Variants in LRRC4C observed in about 807,000 individuals in gnomAD.
LRRC4C encodes leucine-rich repeat-containing protein 4C.
LRRC4C carries 5 observed loss-of-function variants against 33.6 expected under a neutral mutation model. That is an observed-to-expected ratio of 0.15 (90% CI 0.08 to 0.31). The LOEUF is 0.31. LRRC4C is among the 10% of genes least tolerant of loss of function. The probability of loss-of-function intolerance (pLI) is 1.00; values close to 1 mark genes in which losing one functional copy is unlikely to be tolerated. For missense variants in LRRC4C, 560 were observed against 796.7 expected (o/e 0.70, Z 3.58); for synonymous variants, 329 against 302.0 (o/e 1.09, Z -0.93).
chr11:40,694,768 G>A (rs1945405774), intron 2 of LRRC4C, among the ~76,000 whole-genome samples: 1 of 152,066 alleles, frequency 6.6e-6, no homozygotes, highest in East Asian at 1.9e-4. Context: ...CAGAAAAATT[G>A]TCTCATAAGC....
intron 1 of LRRC4C, among the ~76,000 whole-genome samples, chr11:40,952,193 T>A (rs150432753): frequency 6.6e-6 from 1 of 151,902 alleles, no homozygotes; most frequent in Non-Finnish European, 1.5e-5. Context: ...AATTTGCATA[T>A]ACATGACAGT....
chr11:41,012,807 G>C (rs769272520), intron 1 of LRRC4C, among the ~76,000 whole-genome samples: 1 of 151,948 alleles, frequency 6.6e-6, no homozygotes, highest in Non-Finnish European at 1.5e-5. Context: ...ATATCTCTTT[G>C]TGGTTTGAAT....
chr11:41,362,963 G>A (rs909915753), intron 1 of LRRC4C, among the ~76,000 whole-genome samples: 4 of 152,010 alleles, frequency 2.6e-5, no homozygotes, highest in African/African-American at 9.7e-5. Context: ...CTTTTACCAT[G>A]TAAGGTAACA....
At chr11:40,867,176 G>A (rs7948597) in intron 2 of LRRC4C, among the ~76,000 whole-genome samples, 18,591 of 152,062 alleles carry the variant, frequency 0.12, 1,228 homozygotes, top group African/African-American at 0.14. Context: ...GCATTGCCTC[G>A]TTCACCAACA....
chr11:40,482,627 G>C (rs1256400261), intron 3 of LRRC4C, among the ~76,000 whole-genome samples: 1 of 151,900 alleles, frequency 6.6e-6, no homozygotes, highest in Non-Finnish European at 1.5e-5. Context: ...GCATCCCCAT[G>C]CCCAGCTAAT....
chr11:40,528,353 T>C (rs1251156616), intron 3 of LRRC4C, among the ~76,000 whole-genome samples: 8 of 152,106 alleles, frequency 5.3e-5, no homozygotes, highest in Admixed American at 5.2e-4. Context: ...AATAGCCTGA[T>C]TTAAGAATGA....
At chr11:40,177,059 T>A (rs142774855) in intron 5 of LRRC4C, among the ~76,000 whole-genome samples, 190 of 148,278 alleles carry the variant, frequency 1.3e-3, no homozygotes, top group Non-Finnish European at 1.3e-3. Flanking sequence ...CCCAACACCA[T>A]TCTCCTGCCT....
rs529058297 is a variant in LRRC4C, at chr11:41,011,728, T to G, written c.-495-78005A>C. ...ACTAAGCCCGGGTTTCTATCTAGAC[T>G]CCATCATTTACAAGCTATGTAGCCT... On this transcript the variant is annotated intron_variant, in intron 1 of 6. Transcript: ENST00000528697. 1.2e-4 allele frequency among the ~76,000 whole-genome samples: 18 copies of G among 151,286 alleles called. 1 individual carries two copies. The South Asian group carries it at 3.5e-3, about 30-fold the overall frequency.
At chr11:40,808,262 T>C (rs1591775037) in intron 2 of LRRC4C, among the ~76,000 whole-genome samples, 1 of 152,094 alleles carries the variant, frequency 6.6e-6, no homozygotes, top group East Asian at 1.9e-4. Context: ...AAAATTATAC[T>C]TTCTATCTTG....
At chr11:40,296,003 T>G (rs1465329581) in intron 4 of LRRC4C, among the ~76,000 whole-genome samples, 1 of 152,238 alleles carries the variant, frequency 6.6e-6, no homozygotes, top group Non-Finnish European at 1.5e-5. Flanking sequence ...AGAAGCCATT[T>G]GAAATGAAAA....
intron 1 of LRRC4C, among the ~76,000 whole-genome samples, chr11:41,167,715 A>G (rs1348430868): frequency 1.3e-5 from 2 of 152,216 alleles, no homozygotes; most frequent in South Asian, 2.1e-4. Flanking sequence ...GAAGCTTCCC[A>G]GTACCTGTCC....
intron 1 of LRRC4C, among the ~76,000 whole-genome samples, chr11:41,304,145 G>T (rs1352151724): frequency 1.1e-5 from 1 of 92,364 alleles, no homozygotes; most frequent in African/African-American, 3.0e-5. Flanking sequence ...CCTCAGCCCG[G>T]CCAGCCGCCC....
chr11:41,197,453 T>A (rs570914800), intron 1 of LRRC4C, among the ~76,000 whole-genome samples: 1 of 152,130 alleles, frequency 6.6e-6, no homozygotes, highest in Non-Finnish European at 1.5e-5. Context: ...TTGCTTGTCC[T>A]ACACATCACT....
chr11:40,210,279 A>G (rs534817295), intron 5 of LRRC4C, among the ~76,000 whole-genome samples: 2 of 151,260 alleles, frequency 1.3e-5, no homozygotes, highest in East Asian at 1.9e-4. Context: ...ACAAAAACCA[A>G]AAAACACCTG....
At chr11:40,685,809 G>A (rs1395844854) in intron 2 of LRRC4C, among the ~76,000 whole-genome samples, 1 of 151,956 alleles carries the variant, frequency 6.6e-6, no homozygotes, top group African/African-American at 2.4e-5. Flanking sequence ...ACACATATAT[G>A]TGTATACAAA....
intron 1 of LRRC4C, among the ~76,000 whole-genome samples, chr11:41,253,496 G>C (rs763886170): frequency 6.6e-6 from 1 of 152,046 alleles, no homozygotes; most frequent in Admixed American, 6.6e-5. Context: ...GGAGCTTTTA[G>C]TCTAAGCTGC....
chr11:40,459,655 T>C (rs1442020601), intron 3 of LRRC4C, among the ~76,000 whole-genome samples: 6 of 152,236 alleles, frequency 3.9e-5, no homozygotes, highest in Non-Finnish European at 5.9e-5. Flanking sequence ...CCGGAGCAGA[T>C]ACATTAGAGA....
chr11:41,218,069 G>T (rs953731777), intron 1 of LRRC4C, among the ~76,000 whole-genome samples: 1 of 151,694 alleles, frequency 6.6e-6, no homozygotes, highest in Non-Finnish European at 1.5e-5. Context: ...TACACATACG[G>T]CATGTGGTAT....
intron 5 of LRRC4C, among the ~76,000 whole-genome samples, chr11:40,179,176 T>G (rs547026511): frequency 1.3e-5 from 2 of 151,976 alleles, no homozygotes; most frequent in Non-Finnish European, 2.9e-5. Flanking sequence ...GGATTTTTTT[T>G]AAAACTATTC....
Sources: allele counts gnomAD v4.1 joint callset (sites outside exome capture counted in the v4.1 genomes callset), GRCh38; gene constraint gnomAD v4.1.1; transcripts MANE v1.5; gene names NCBI Gene and HGNC (gene_info 2026-07-23, HGNC 2026-07-21).